Variants in GRM7 observed in about 807,000 individuals in gnomAD.
GRM7 encodes metabotropic glutamate receptor 7.
In GRM7, 35 loss-of-function variants were observed where a neutral mutation model predicts 84.5. The ratio of observed to expected loss-of-function variants is 0.41; its 90% confidence interval spans 0.32 to 0.55. The LOEUF (loss-of-function observed/expected upper bound fraction) is 0.55, where lower values mean the gene tolerates loss of function less well. Ranked by LOEUF, GRM7 falls within the 20% of genes least tolerant of loss-of-function variation. GRM7 has a pLI of 0.19. For missense variants in GRM7, 1,003 were observed against 1,194.6 expected, an observed-to-expected ratio of 0.84 and a Z score of 2.36; for synonymous variants, 487 against 455.1, an observed-to-expected ratio of 1.07 and a Z score of -0.89.
rs1694277833 is a variant in GRM7, at chr3:7,151,181, A to G, written c.736+4513A>G. Among the ~76,000 whole-genome samples, 1 of 152,140 alleles carries G rather than the reference A, an allele frequency of 6.6e-6. No individual in the cohort carries two copies. The highest frequency in any genetic ancestry group is 2.4e-5 in the African/African-American group (1 of 41,444). On this transcript the variant is annotated intron_variant, in intron 2 of 9. Coordinates refer to ENST00000357716, the MANE Select transcript of GRM7 (RefSeq NM_000844.4). This position sits in a 1 kb window ranked among gnomAD's most constrained non-coding sequence, Gnocchi z 4.5. ...ATTTTTTTCCTAAAATACTTAGAGG[A>G]AGATTTGATTAACTGTTATTAACTG...
chr3:6,971,775 G>C (rs1311146074), intron 1 of GRM7, among the ~76,000 whole-genome samples: 1 of 152,014 alleles, frequency 6.6e-6, no homozygotes, highest in Non-Finnish European at 1.5e-5. Context: ...TGTGGGTTAA[G>C]AAATTCCTTA....
At chr3:7,644,086 T>C (rs956196785) in intron 8 of GRM7, among the ~76,000 whole-genome samples, 1 of 121,632 alleles carries the variant, frequency 8.2e-6, no homozygotes, top group Non-Finnish European at 1.7e-5. Flanking sequence ...ATTTACCTTG[T>C]CATTTATCTG....
At chr3:7,732,200 G>A (rs1022330893) in intron 9 of GRM7, among the ~76,000 whole-genome samples, 5 of 152,110 alleles carry the variant, frequency 3.3e-5, no homozygotes, top group African/African-American at 9.7e-5. Flanking sequence ...TGACAATGCT[G>A]TGGTCTTTCT....
At chr3:7,553,975 A>G (rs1693626250) in intron 7 of GRM7, among the ~76,000 whole-genome samples, 2 of 151,840 alleles carry the variant, frequency 1.3e-5, no homozygotes, top group South Asian at 2.1e-4. Context: ...TGTTTTCAAG[A>G]ACTCAACTAA....
chr3:6,956,512 A>G (rs761876556), intron 1 of GRM7: 47 of 454,134 alleles, frequency 1.0e-4, no homozygotes, highest in Non-Finnish European at 1.9e-4. Context: ...TATGAGAAGA[A>G]AACCAGAGAG....
intron 9 of GRM7, among the ~76,000 whole-genome samples, chr3:7,700,343 TG>T (rs1227017361): frequency 1.4e-4 from 21 of 152,210 alleles, no homozygotes; most frequent in African/African-American, 4.8e-4. Flanking sequence ...GCAGTTCTCC[TG>T]GGAACGCCAC....
intron 7 of GRM7, among the ~76,000 whole-genome samples, chr3:7,461,952 T>C (rs1698267113): frequency 6.6e-6 from 1 of 152,124 alleles, no homozygotes; most frequent in African/African-American, 2.4e-5. Flanking sequence ...GTGCGAATTA[T>C]CTCATTTAAT....
intron 5 of GRM7, among the ~76,000 whole-genome samples, chr3:7,425,111 T>C (rs1423454444): frequency 6.6e-6 from 1 of 152,202 alleles, no homozygotes; most frequent in Non-Finnish European, 1.5e-5. Context: ...TTCGTAGTTT[T>C]GCTTCTATAG....
At chr3:7,685,205 C>T (rs113684428) in intron 9 of GRM7, among the ~76,000 whole-genome samples, 7,041 of 152,172 alleles carry the variant, frequency 0.046, 212 homozygotes, top group South Asian at 0.084. Flanking sequence ...TTGGGATGGG[C>T]GGATAAGAAC....
At chr3:6,882,065 T>TCTA (rs1296777704) in intron 1 of GRM7, among the ~76,000 whole-genome samples, 4 of 152,104 alleles carry the variant, frequency 2.6e-5, no homozygotes, top group Non-Finnish European at 4.4e-5. Context: ...TCCTTCATCC[T>TCTA]CTACCTCTCA....
At chr3:6,893,810 AT>A (rs1696064782) in intron 1 of GRM7, 1 of 152,188 alleles carries the variant, frequency 6.6e-6, no homozygotes, top group Admixed American at 6.6e-5. Flanking sequence ...CTGTTGAAAA[AT>A]TCATCAGACC....
chr3:7,639,373 C>A (rs1418795698), intron 8 of GRM7, among the ~76,000 whole-genome samples: 1 of 152,182 alleles, frequency 6.6e-6, no homozygotes, highest in Non-Finnish European at 1.5e-5. Flanking sequence ...ACCTGATGAT[C>A]TAAGTGTAAT....
At chr3:7,351,930 A>G (rs568538873) in intron 4 of GRM7, among the ~76,000 whole-genome samples, 1 of 151,856 alleles carries the variant, frequency 6.6e-6, no homozygotes, top group South Asian at 2.1e-4. Context: ...CTGGCTTCTC[A>G]TTCTGTAGCT....
chr3:7,717,816 A>G (rs1439752491), intron 9 of GRM7, among the ~76,000 whole-genome samples: 2 of 152,182 alleles, frequency 1.3e-5, no homozygotes, highest in East Asian at 3.8e-4. Context: ...GATGCTTACT[A>G]TGGACAAACT....
intron 1 of GRM7, among the ~76,000 whole-genome samples, chr3:6,885,156 G>A (rs898061895): frequency 2.6e-5 from 4 of 152,138 alleles, no homozygotes; most frequent in Non-Finnish European, 5.9e-5. Flanking sequence ...AGGGTTCTTA[G>A]CTTCACCCAC....
At chr3:7,638,995 A>C in intron 8 of GRM7, among the ~76,000 whole-genome samples, 1 of 152,164 alleles carries the variant, frequency 6.6e-6, no homozygotes, top group East Asian at 1.9e-4. Context: ...TGGGATGTCC[A>C]ACACCCTCTC....
intron 1 of GRM7, among the ~76,000 whole-genome samples, chr3:6,920,503 G>A (rs1697087835): frequency 6.6e-6 from 1 of 151,404 alleles, no homozygotes; most frequent in African/African-American, 2.4e-5. Context: ...TGCATGAGCT[G>A]AGAGATTGTG....
At chr3:7,315,046 C>T (rs1006563810) in intron 4 of GRM7, among the ~76,000 whole-genome samples, 2 of 151,544 alleles carry the variant, frequency 1.3e-5, no homozygotes, top group Non-Finnish European at 2.9e-5. Context: ...ACCTTATATT[C>T]AGCCAGTGTC....
intron 4 of GRM7, among the ~76,000 whole-genome samples, chr3:7,353,204 G>T (rs144578942): frequency 6.6e-6 from 1 of 152,138 alleles, no homozygotes; most frequent in East Asian, 1.9e-4. Flanking sequence ...GTCCCTAAAG[G>T]TAAGGTACCA....
Sources: gnomAD v4.1 joint callset for allele counts (sites outside exome capture counted in the v4.1 genomes callset) on GRCh38, gnomAD v4.1.1 for gene constraint, Gnocchi (gnomAD v3.1) non-coding constraint, MANE v1.5 for transcripts, NCBI Gene and HGNC (gene_info 2026-07-23, HGNC 2026-07-21) for gene names.